Variants in NRXN1 observed in about 807,000 individuals in gnomAD.
The protein encoded by NRXN1 is neurexin 1.
Under a neutral mutation model 150.9 loss-of-function variants are expected in NRXN1, and 39 were observed. The ratio of observed to expected loss-of-function variants is 0.26; its 90% CI spans 0.20 to 0.34. The LOEUF (loss-of-function observed/expected upper bound fraction) is 0.34, where lower values mean the gene tolerates loss of function less well. Ranked by LOEUF, NRXN1 falls within the 10% of genes least tolerant of loss-of-function variation. The probability of loss-of-function intolerance (pLI) is 1.00; values close to 1 mark genes in which losing one functional copy is unlikely to be tolerated. For missense variants in NRXN1, 1,815 were observed against 1,949.9 expected (o/e 0.93, Z 1.30); for synonymous variants, 924 against 757.0 (o/e 1.22, Z -3.62).
chr2:50,836,226 T>C (rs1672083287), intron 5 of NRXN1, among the ~76,000 whole-genome samples: 1 of 152,134 alleles, frequency 6.6e-6, no homozygotes, highest in Admixed American at 6.6e-5. Context: ...AAATAATAAT[T>C]TTACTTATTT....
At chr2:50,491,474 T>G (rs866331171) in intron 15 of NRXN1, among the ~76,000 whole-genome samples, 1 of 152,162 alleles carries the variant, frequency 6.6e-6, no homozygotes, top group African/African-American at 2.4e-5. Flanking sequence ...AGCAGGCAGT[T>G]GCCTTCAGGG....
At chr2:49,991,704 A>ATCCT (rs1681993416) in intron 21 of NRXN1, among the ~76,000 whole-genome samples, 1 of 152,180 alleles carries the variant, frequency 6.6e-6, no homozygotes, top group Non-Finnish European at 1.5e-5. Context: ...CCCAATCAAA[A>ATCCT]TCCTGGCAAG....
chr2:50,456,216 A>C (rs1229749277), intron 17 of NRXN1, among the ~76,000 whole-genome samples: 1 of 152,100 alleles, frequency 6.6e-6, no homozygotes, highest in East Asian at 1.9e-4. Flanking sequence ...ACCTTTTATG[A>C]AACTTGTTCC....
intron 13 of NRXN1, among the ~76,000 whole-genome samples, chr2:50,502,430 C>T (rs13030234): frequency 0.11 from 16,226 of 146,828 alleles, 1,125 homozygotes; most frequent in East Asian, 0.39. Flanking sequence ...CTTGCACCCA[C>T]AAAGGGAATA....
chr2:49,932,390 C>T (rs1288884514), intron 22 of NRXN1, among the ~76,000 whole-genome samples: 2 of 152,176 alleles, frequency 1.3e-5, no homozygotes, highest in Non-Finnish European at 2.9e-5. Context: ...CACTACACTC[C>T]TGCTGGGCAA....
At chr2:50,897,874 C>T (rs1444275651) in intron 5 of NRXN1, among the ~76,000 whole-genome samples, 1 of 152,134 alleles carries the variant, frequency 6.6e-6, no homozygotes, top group Non-Finnish European at 1.5e-5. Context: ...TCAAAGTGTG[C>T]ACTTTAAATG....
At chr2:50,901,610 T>C (rs773318738) in intron 5 of NRXN1, among the ~76,000 whole-genome samples, 2 of 152,148 alleles carry the variant, frequency 1.3e-5, no homozygotes, top group Non-Finnish European at 1.5e-5. Flanking sequence ...GGCGTTCTGG[T>C]ACAAAGTTAT....
At chr2:50,008,275 C>G (rs1685092479) in intron 21 of NRXN1, among the ~76,000 whole-genome samples, 1 of 152,012 alleles carries the variant, frequency 6.6e-6, no homozygotes, top group Non-Finnish European at 1.5e-5. Flanking sequence ...TTCTAATGAA[C>G]AGAACACTAG....
At chr2:50,713,299 G>T (rs1695428078) in intron 5 of NRXN1, among the ~76,000 whole-genome samples, 2 of 143,156 alleles carry the variant, frequency 1.4e-5, no homozygotes. Context: ...GAGTGACAGA[G>T]TGAGACTCTG....
intron 22 of NRXN1, among the ~76,000 whole-genome samples, chr2:49,933,824 A>G (rs1670554753): frequency 6.6e-6 from 1 of 152,186 alleles, no homozygotes; most frequent in Non-Finnish European, 1.5e-5. Flanking sequence ...ACAGTTTTGC[A>G]ATATGCACTG....
intron 2 of NRXN1, among the ~76,000 whole-genome samples, chr2:50,981,670 C>T (rs1159611222): frequency 6.6e-6 from 1 of 151,774 alleles, no homozygotes; most frequent in Non-Finnish European, 1.5e-5. Context: ...AAAATCCTTT[C>T]CATTACGATA....
chr2:50,251,488 C>T (rs2067075742), intron 17 of NRXN1, among the ~76,000 whole-genome samples: 1 of 151,966 alleles, frequency 6.6e-6, no homozygotes, highest in Non-Finnish European at 1.5e-5. Context: ...CTGCAATTAA[C>T]GTTAAGTGTA....
intron 17 of NRXN1, among the ~76,000 whole-genome samples, chr2:50,313,512 T>C (rs1268726062): frequency 6.6e-6 from 1 of 152,108 alleles, no homozygotes; most frequent in Non-Finnish European, 1.5e-5. Context: ...TGATAATCTG[T>C]TCTATGGGTG....
intron 17 of NRXN1, among the ~76,000 whole-genome samples, chr2:50,401,676 G>C (rs983422694): frequency 3.9e-5 from 6 of 152,072 alleles, no homozygotes; most frequent in African/African-American, 1.4e-4. Context: ...AAAGGATGGA[G>C]CAATTATTGC....
intron 20 of NRXN1, 42 bp downstream of exon 20, chr2:50,054,913 C>T: frequency 7.4e-7 from 1 of 1,342,456 alleles, no homozygotes; most frequent in Non-Finnish European, 1.0e-6. Flanking sequence ...TGGTTATGTT[C>T]AAATTATTTT....
chr2:50,437,197 T>C (rs1180098213), intron 17 of NRXN1, among the ~76,000 whole-genome samples: 1 of 152,198 alleles, frequency 6.6e-6, no homozygotes, highest in East Asian at 1.9e-4. Context: ...GCTAAAGACA[T>C]AAGTAAGCAG....
chr2:50,314,338 A>C (rs2075419069), intron 17 of NRXN1, among the ~76,000 whole-genome samples: 1 of 152,074 alleles, frequency 6.6e-6, no homozygotes, highest in South Asian at 2.1e-4. Context: ...CACTTTAAAA[A>C]ACAAAAACAA....
chr2:50,531,439 G>A lies in NRXN1; in HGVS notation c.2144-9C>T, dbSNP rs1362695510. 2 of 1,602,824 alleles carry A rather than the reference G, an allele frequency of 1.2e-6. No homozygotes were observed. Among genetic ancestry groups the A allele is most frequent in the Non-Finnish European group, 1.7e-6 (2 of 1,173,402 alleles). ...GCTCAAAACCGTTGCCTCTAGAGAT[G>A]GAAAATGAATATGATAAGTTCTTGG... On this transcript the variant is annotated splice_polypyrimidine_tract_variant and intron_variant, in intron 10 of 22. Transcript: ENST00000401669.
rs552313585 is a variant in NRXN1 at position 50,332,253 on chromosome 2, T to C, written c.3365-95283A>G. On this transcript the variant is annotated intron_variant, in intron 17 of 22. Coordinates refer to ENST00000401669, the MANE Select transcript of NRXN1 (RefSeq NM_001330078.2). ...AGTTCTGACTAACAGACTGAACATA[T>C]TATTGCTTCTGTGTGAGTAGAAGAG... Among the ~76,000 whole-genome samples, 10 of 152,292 alleles carry C rather than the reference T, an allele frequency of 6.6e-5. No homozygotes were observed. In the East Asian group the frequency reaches 1.4e-3, roughly 21 times the overall value.
Sources: allele counts gnomAD v4.1 joint callset (sites outside exome capture counted in the v4.1 genomes callset), GRCh38; gene constraint gnomAD v4.1.1; transcripts MANE v1.5; gene names NCBI Gene and HGNC (gene_info 2026-07-23, HGNC 2026-07-21).